ZNF415: variants seen among roughly 807,000 people sequenced by gnomAD.
ZNF415 encodes zinc finger protein 415.
In ZNF415, 5 loss-of-function variants were observed where a neutral mutation model predicts 7.3. The ratio of observed to expected loss-of-function variants is 0.69; its 90% CI spans 0.36 to 1.44. The LOEUF is 1.44. ZNF415 is among the 40% of genes most tolerant of loss of function. ZNF415 has a pLI of 0.04. For missense variants in ZNF415, 628 were observed against 664.8 expected (o/e 0.94, Z 0.61); for synonymous variants, 207 against 226.3 (o/e 0.91, Z 0.77).
Position 53,127,670 on chromosome 19 carries a change from A to C in ZNF415, c.-67-4927T>G, listed in dbSNP as rs143568321. Reference sequence around the variant, plus strand: ...GAGGCAGGCAGATCACGAAGTCAGGAGATCGAGACCATCCTGGCCAACATG... The same window carrying C: ...GAGGCAGGCAGATCACGAAGTCAGGCGATCGAGACCATCCTGGCCAACATG... On this transcript the variant is annotated intron_variant, in intron 1 of 3. Transcript: ENST00000243643. 3.2e-3 allele frequency among the ~76,000 whole-genome samples: 486 copies of C among 152,258 alleles called. 1 individual carries two copies. Among genetic ancestry groups the C allele is most frequent in the African/African-American group, 0.011 (453 of 41,544 alleles).
chr19:53,113,035 G>C (rs1346219175), intron 3 of ZNF415, among the ~76,000 whole-genome samples: 2 of 150,874 alleles, frequency 1.3e-5, no homozygotes, highest in Admixed American at 1.3e-4. Context: ...GCGGTGAGCT[G>C]AGATTGTGCC....
In ZNF415 at chr19:53,108,126, C is replaced by G. The variant is rs2085658943; in HGVS notation, c.*251G>C. ...AGTGAGTTGTGAGACCTAAATGAAG[C>G]CTCTGCCACACAGTTAGGTGTATAT... is the stretch of plus-strand genomic sequence containing the variant. On this transcript the variant is annotated 3_prime_UTR_variant, in exon 4 of 4. Transcript: ENST00000243643. 2.2e-6 allele frequency: 1 copy of G among 462,054 alleles called. No individual in the cohort carries two copies. The highest frequency in any genetic ancestry group is 4.2e-5 in the South Asian group (1 of 23,762). The allele number at this position is 462,054 out of a possible 1,614,324, so 28.6% of individuals were successfully genotyped here.
At chr19:53,130,934 A>G (rs140501440) in intron 1 of ZNF415, among the ~76,000 whole-genome samples, 12,011 of 152,140 alleles carry the variant, frequency 0.079, 648 homozygotes, top group Admixed American at 0.14. Flanking sequence ...ATGAGCCACC[A>G]TGCCCAGCCT....
chr19:53,122,470 T>G, intron 2 of ZNF415, 192 bp downstream of exon 2: 1 of 1,550,936 alleles, frequency 6.4e-7, no homozygotes, highest in Non-Finnish European at 8.7e-7. Context: ...CTTCAGAAGT[T>G]CATGTCACAG....
At chr19:53,114,124 T>C (rs2086651553) in intron 3 of ZNF415, among the ~76,000 whole-genome samples, 1 of 152,172 alleles carries the variant, frequency 6.6e-6, no homozygotes, top group Non-Finnish European at 1.5e-5. Flanking sequence ...ATAGGTTGGT[T>C]ATCATAGCAG....
intron 2 of ZNF415, 110 bp from the exon 3 acceptor site, chr19:53,116,543 G>A (rs1009095916): frequency 3.5e-6 from 5 of 1,417,240 alleles, no homozygotes; most frequent in African/African-American, 2.9e-5. Flanking sequence ...ATTGAAGTGT[G>A]TGTTCTGATA....
At chr19:53,123,194 G>A (rs1353046532) in intron 1 of ZNF415, among the ~76,000 whole-genome samples, 2 of 152,094 alleles carry the variant, frequency 1.3e-5, no homozygotes, top group Non-Finnish European at 2.9e-5. Context: ...AGGGATGGGG[G>A]CACAAGAGGT....
chr19:53,129,495 A>G, intron 1 of ZNF415: 1 of 407,194 alleles, frequency 2.5e-6, no homozygotes. Context: ...TTTAATTGCA[A>G]CTGGCTAGTC....
intron 3 of ZNF415, among the ~76,000 whole-genome samples, chr19:53,111,838 A>T (rs2086282865): frequency 6.6e-6 from 1 of 152,220 alleles, no homozygotes; most frequent in African/African-American, 2.4e-5. Flanking sequence ...TTATTTTTCA[A>T]ATAAACACAT....
In ZNF415 at chr19:53,108,741, G is replaced by GT; in HGVS notation, c.1303dup (p.Thr435AsnfsTer9). 2.5e-6 allele frequency: 4 copies of GT among 1,614,144 alleles called. No individual in the cohort carries two copies. The highest frequency in any genetic ancestry group is 3.4e-6 in the Non-Finnish European group (4 of 1,180,026). ...ATTACACTTGTAAGGTTTCTCTCCA[G>GT]TATGAACTCTCCGATGACTCGCAAG... On this transcript the variant is annotated frameshift_variant, in exon 4 of 4. Transcript: ENST00000243643. LOFTEE classifies it low-confidence loss of function (END_TRUNC).
chr19:53,121,909 T>C (rs369036457), intron 2 of ZNF415, among the ~76,000 whole-genome samples: 1 of 152,082 alleles, frequency 6.6e-6, no homozygotes, highest in African/African-American at 2.4e-5. Context: ...TATCCCCTTA[T>C]TGGCTGCCTT....
intron 3 of ZNF415, among the ~76,000 whole-genome samples, chr19:53,113,841 TG>T (rs1382731584): frequency 1.3e-5 from 2 of 152,244 alleles, no homozygotes; most frequent in African/African-American, 4.8e-5. Context: ...CATTAGTTTA[TG>T]TGTCCAGCGC....
In ZNF415 at chr19:53,109,546, T is replaced by C. The variant is rs780227438; in HGVS notation, c.499A>G (p.Lys167Glu). 2 of 1,614,078 alleles carry C rather than the reference T, an allele frequency of 1.2e-6. No individual in the cohort carries two copies. The highest frequency in any genetic ancestry group is 1.1e-5 in the South Asian group (1 of 91,058). ...GKIYECNHVE[K>E]SVNHGSSVSP... ...ACTGAGGAACCATGGTTGACAGACT[T>C]CTCAACATGGTTACATTCATAAATT... The change falls in exon 4 of 4, where the codon AAG becomes GAG. Residue 167 changes from lysine to glutamate, a missense_variant. Lys to Glu is a moderately conservative substitution (Grantham distance 56). Coordinates refer to ENST00000243643, the MANE Select transcript of ZNF415 (RefSeq NM_018355.4).
chr19:53,108,686 C>A lies in ZNF415; in HGVS notation c.1359G>T (p.Ser453=), dbSNP rs200654382. 3.1e-6 allele frequency: 5 copies of A among 1,614,024 alleles called. No homozygotes were observed. In the South Asian group the frequency reaches 5.5e-5, roughly 18 times the overall value. The change falls in exon 4 of 4, where the codon TCG becomes TCT. Residue 453 remains serine (S), a synonymous_variant. Coordinates refer to ENST00000243643, the MANE Select transcript of ZNF415 (RefSeq NM_018355.4). The part of the protein sequence containing the change: ...NECGKAFSVH[S]NLTTHQVIHT... ...GGATGACCTGATGGGTAGTTAAGTT[C>A]GAATGCACACTAAAGGCTTTCCCAC...
chr19:53,120,656 T>C (rs2087850706), intron 2 of ZNF415, among the ~76,000 whole-genome samples: 2 of 152,304 alleles, frequency 1.3e-5, no homozygotes, highest in African/African-American at 4.8e-5. Context: ...AGAATATGGA[T>C]ATATCCTCTT....
intron 2 of ZNF415, chr19:53,122,324 C>T (rs984078825): frequency 4.0e-5 from 56 of 1,386,326 alleles, no homozygotes; most frequent in Non-Finnish European, 5.3e-5. Flanking sequence ...TCCTGGGCTA[C>T]GGAGAGCCGA....
chr19:53,132,375 C>T (rs931275913), intron 1 of ZNF415, among the ~76,000 whole-genome samples: 1 of 152,036 alleles, frequency 6.6e-6, no homozygotes, highest in Admixed American at 6.6e-5. Context: ...CTCCCCAGCG[C>T]GGGCTCAGGG....
At chr19:53,116,976 G>GA (rs1005315477) in intron 2 of ZNF415, among the ~76,000 whole-genome samples, 1 of 151,824 alleles carries the variant, frequency 6.6e-6, no homozygotes, top group African/African-American at 2.4e-5. Context: ...AAGGTGGAGA[G>GA]AAAATCAAAA....
At chr19:53,122,870 C>T in intron 1 of ZNF415, 127 bp from the exon 2 acceptor site, 1 of 662,426 alleles carries the variant, frequency 1.5e-6, no homozygotes, top group Non-Finnish European at 2.6e-6. Context: ...CCCACTACAC[C>T]AGGGTGGCCC....
Sources: allele counts gnomAD v4.1 joint callset (sites outside exome capture counted in the v4.1 genomes callset), GRCh38; gene constraint gnomAD v4.1.1; transcripts MANE v1.5; gene names NCBI Gene and HGNC (gene_info 2026-07-23, HGNC 2026-07-21).